CELF1: variants seen among roughly 807,000 people sequenced by gnomAD.
CELF1 encodes the protein 50 kDa nuclear polyadenylated RNA-binding protein.
A neutral mutation model predicts 61.8 loss-of-function variants in CELF1; 10 were observed. The observed-to-expected ratio is 0.16, with a 90% CI of 0.10 to 0.27. The LOEUF (loss-of-function observed/expected upper bound fraction) is 0.27, where lower values mean the gene tolerates loss of function less well. CELF1 is among the 10% of genes least tolerant of loss of function. The pLI, the probability that CELF1 is intolerant of heterozygous loss-of-function variation, is 1.00. For synonymous variants in CELF1, 236 were observed against 225.1 expected, an observed-to-expected ratio of 1.05 and a Z score of -0.43; for missense variants, 380 against 639.1, an observed-to-expected ratio of 0.59 and a Z score of 4.37.
chr11:47,529,477 A>T (rs566455340), intron 1 of CELF1, among the ~76,000 whole-genome samples: 54 of 152,296 alleles, frequency 3.5e-4, no homozygotes, highest in African/African-American at 1.3e-3. Flanking sequence ...ACATGAGGCC[A>T]GGAGTTCGAG....
intron 1 of CELF1, among the ~76,000 whole-genome samples, chr11:47,503,981 T>G (rs947271159): frequency 1.3e-5 from 2 of 151,518 alleles, no homozygotes; most frequent in Non-Finnish European, 2.9e-5. Flanking sequence ...TTGAGACTAG[T>G]CTGACCAACA....
intron 3 of CELF1, 74 bp downstream of exon 3, chr11:47,499,379 A>G: frequency 8.2e-7 from 1 of 1,214,208 alleles, no homozygotes. Context: ...AAAAAAAGGA[A>G]CCAATTTCAT....
intron 1 of CELF1, among the ~76,000 whole-genome samples, chr11:47,535,723 A>T (rs1008161644): frequency 1.3e-5 from 2 of 149,468 alleles, no homozygotes; most frequent in Non-Finnish European, 3.0e-5. Flanking sequence ...TGCTATATTT[A>T]CTCACCTAAG....
At chr11:47,503,024 G>A (rs967416081) in intron 1 of CELF1, among the ~76,000 whole-genome samples, 6 of 151,490 alleles carry the variant, frequency 4.0e-5, no homozygotes, top group Non-Finnish European at 5.9e-5. Flanking sequence ...CTGGTTGTCC[G>A]TCTGTCTCAG....
rs1326816550 is a variant in CELF1 at position 47,481,081 on chromosome 11, GTTTTTTTTTTTTTTCTTCTTCTTTT to G, written c.768+1589_768+1613del. 1.1e-3 allele frequency among the ~76,000 whole-genome samples: 105 copies of G among 92,864 alleles called. 1 individual carries two copies. Among genetic ancestry groups the G allele is most frequent in the Middle Eastern group, 7.4e-3 (1 of 136 alleles). The allele number at this position is 92,864 out of a possible 152,430, so 60.9% of individuals were successfully genotyped here. A position where few individuals can be genotyped will look rare whatever the true frequency, so the allele number is the denominator to read the frequency against. ...GAAATACTAGCTAGGATAAACTGGG[GTTTTTTTTTTTTTTCTTCTTCTTTT>G]TTTTTTTTTTTTTTTTTTTTTGTGA... On this transcript the variant is annotated intron_variant, in intron 9 of 14. Transcript: ENST00000687097.
chr11:47,542,497 T>C (rs1172785485), intron 1 of CELF1, among the ~76,000 whole-genome samples: 2 of 117,688 alleles, frequency 1.7e-5, no homozygotes, highest in East Asian at 2.3e-4. Context: ...ACTTTCTCCA[T>C]TTTTTTTTTT....
chr11:47,507,531 T>C (rs1026255159), intron 1 of CELF1, among the ~76,000 whole-genome samples: 17 of 152,144 alleles, frequency 1.1e-4, no homozygotes, highest in African/African-American at 2.9e-4. Flanking sequence ...CAAAACCAAT[T>C]TGTTTTATTT....
At chr11:47,510,774 C>T (rs2095071874) in intron 1 of CELF1, among the ~76,000 whole-genome samples, 1 of 152,106 alleles carries the variant, frequency 6.6e-6, no homozygotes, top group South Asian at 2.1e-4. Flanking sequence ...AGGTGCAAGC[C>T]CCCGCATCTG....
chr11:47,525,940 CA>C (rs11292279), intron 1 of CELF1, among the ~76,000 whole-genome samples: 135,771 of 146,412 alleles, frequency 0.93, 63,605 homozygotes, highest in East Asian at 1. Flanking sequence ...AAAAAACAAA[CA>C]AAAAAAAAAA....
At chr11:47,549,527 G>C (rs1227372100) in intron 1 of CELF1, among the ~76,000 whole-genome samples, 2 of 152,124 alleles carry the variant, frequency 1.3e-5, no homozygotes, top group Non-Finnish European at 2.9e-5. Flanking sequence ...GTACAACATG[G>C]ATGAGTCTTG....
chr11:47,565,425 C>T (rs1231517551), exon 1 of CELF1: 1 of 381,434 alleles, frequency 2.6e-6, no homozygotes, highest in Non-Finnish European at 4.3e-6. Flanking sequence ...AAACCTCGGT[C>T]CCTCCTCCGA....
chr11:47,545,581 CAAG>C (rs1465448711), intron 1 of CELF1, among the ~76,000 whole-genome samples: 1 of 152,134 alleles, frequency 6.6e-6, no homozygotes, highest in Non-Finnish European at 1.5e-5. Flanking sequence ...AGGTTAATAA[CAAG>C]GAGTGAATCT....
chr11:47,548,772 A>C (rs994356091), intron 1 of CELF1, among the ~76,000 whole-genome samples: 2 of 150,600 alleles, frequency 1.3e-5, no homozygotes, highest in African/African-American at 2.4e-5. Context: ...AGGCCAAGGC[A>C]GGAGAATGGC....
chr11:47,551,305 T>C (rs111570902), intron 1 of CELF1, among the ~76,000 whole-genome samples: 220 of 152,292 alleles, frequency 1.4e-3, no homozygotes, highest in African/African-American at 5.0e-3. Flanking sequence ...TGGTGGACTG[T>C]CATGAGGAAA....
At chr11:47,541,977 T>C (rs1331639719) in intron 1 of CELF1, among the ~76,000 whole-genome samples, 2 of 152,068 alleles carry the variant, frequency 1.3e-5, no homozygotes, top group African/African-American at 4.8e-5. Context: ...AGTTATAACT[T>C]AGAAAGAAAG....
intron 1 of CELF1, among the ~76,000 whole-genome samples, chr11:47,545,683 A>G (rs2096915428): frequency 6.6e-6 from 1 of 152,008 alleles, no homozygotes; most frequent in Non-Finnish European, 1.5e-5. Context: ...CAAAATTTGT[A>G]GGAAAATACA....
chr11:47,496,732 A>G (rs1301805871), intron 3 of CELF1, among the ~76,000 whole-genome samples: 1 of 152,172 alleles, frequency 6.6e-6, no homozygotes, highest in East Asian at 1.9e-4. Flanking sequence ...TAACATCAGA[A>G]GGGAGAAAAA....
At chr11:47,501,007 C>A in intron 1 of CELF1, 75 bp from the exon 2 acceptor site, 1 of 397,808 alleles carries the variant, frequency 2.5e-6, no homozygotes, top group Non-Finnish European at 4.4e-6. Flanking sequence ...AGGCAACACA[C>A]AATGGCATAG....
chr11:47,501,507 G>A (rs1565836126), intron 1 of CELF1, among the ~76,000 whole-genome samples: 1 of 152,100 alleles, frequency 6.6e-6, no homozygotes, highest in African/African-American at 2.4e-5. Flanking sequence ...GACATTCCAG[G>A]CTTTAAAAAG....
Sources: allele counts gnomAD v4.1 joint callset (sites outside exome capture counted in the v4.1 genomes callset), GRCh38; gene constraint gnomAD v4.1.1; transcripts MANE v1.5; gene names NCBI Gene and HGNC (gene_info 2026-07-23, HGNC 2026-07-21).